DNAH9: variants seen among roughly 807,000 people sequenced by gnomAD.
DNAH9 encodes dynein axonemal heavy chain 9.
Under a neutral mutation model 471.6 loss-of-function variants are expected in DNAH9, and 345 were observed. The ratio of observed to expected loss-of-function variants is 0.73; its 90% CI spans 0.67 to 0.80. The LOEUF (loss-of-function observed/expected upper bound fraction) is 0.80, where lower values mean the gene tolerates loss of function less well. Ranked by LOEUF, DNAH9 falls within the 30% of genes least tolerant of loss-of-function variation. The pLI, the probability that DNAH9 is intolerant of heterozygous loss-of-function variation, is 0.00. For synonymous variants in DNAH9, 2,093 were observed against 2,123.6 expected, an observed-to-expected ratio of 0.99 and a Z score of 0.40; for missense variants, 5,407 against 5,609.2, an observed-to-expected ratio of 0.96 and a Z score of 1.15.
At chr17:11,633,379 GC>G (rs1268043707) in intron 8 of DNAH9, among the ~76,000 whole-genome samples, 1 of 152,146 alleles carries the variant, frequency 6.6e-6, no homozygotes, top group African/African-American at 2.4e-5. Flanking sequence ...TTCTGTCAAA[GC>G]TGTTTAAGAT....
chr17:11,929,331 G>C (rs73300417), intron 62 of DNAH9, among the ~76,000 whole-genome samples: 1 of 152,066 alleles, frequency 6.6e-6, no homozygotes, highest in Non-Finnish European at 1.5e-5. Flanking sequence ...ACCGTGCCTG[G>C]CCGTGTTACA....
At chr17:11,650,558 A>G (rs1474637397) in intron 12 of DNAH9, among the ~76,000 whole-genome samples, 2 of 152,238 alleles carry the variant, frequency 1.3e-5, no homozygotes, top group Non-Finnish European at 2.9e-5. Flanking sequence ...AAATGATTAC[A>G]TTGAATAACT....
At chr17:11,639,139 A>G (rs762229580) in intron 9 of DNAH9, among the ~76,000 whole-genome samples, 27 of 152,200 alleles carry the variant, frequency 1.8e-4, no homozygotes, top group Non-Finnish European at 3.4e-4. Flanking sequence ...CGCTGTCATC[A>G]TAGCCACAGT....
intron 43 of DNAH9, among the ~76,000 whole-genome samples, chr17:11,804,940 G>A (rs1209856816): frequency 1.3e-5 from 2 of 151,586 alleles, no homozygotes; most frequent in East Asian, 1.9e-4. Context: ...TCCGCTACTC[G>A]CTACTCGGGA....
At position 11,844,886 on chromosome 17, in the gene DNAH9, A is replaced by G. The variant is rs186363015; in HGVS notation, c.9508-9117A>G. ...GTATTTCATTGCGGTTTTGATTTGC[A>G]TTTCTCTAATGATTAGCTACGTTGA... On this transcript the variant is annotated intron_variant, in intron 49 of 68. Coordinates refer to ENST00000262442, the MANE Select transcript of DNAH9 (RefSeq NM_001372.4). Among the ~76,000 whole-genome samples the G allele has an allele frequency of 5.9e-5, 9 of 151,916 alleles. No homozygotes were observed. In the East Asian group the frequency reaches 1.7e-3, roughly 29 times the overall value.
chr17:11,867,409 C>T (rs572254682), intron 50 of DNAH9, among the ~76,000 whole-genome samples: 1 of 152,064 alleles, frequency 6.6e-6, no homozygotes, highest in Non-Finnish European at 1.5e-5. Context: ...TCCTTTTAAC[C>T]TTTCCCTTGA....
intron 6 of DNAH9, among the ~76,000 whole-genome samples, chr17:11,624,106 T>A (rs2072925912): frequency 6.6e-6 from 1 of 152,198 alleles, no homozygotes; most frequent in Non-Finnish European, 1.5e-5. Context: ...ATACAGGTAA[T>A]CTCTTAGAGA....
intron 62 of DNAH9, among the ~76,000 whole-genome samples, chr17:11,927,137 T>A (rs1974357427): frequency 6.6e-6 from 1 of 152,226 alleles, no homozygotes; most frequent in African/African-American, 2.4e-5. Context: ...TTTGTTTAAG[T>A]TCCTTGTAGA....
At chr17:11,635,356 T>TG (rs1336595733) in intron 8 of DNAH9, among the ~76,000 whole-genome samples, 1 of 128,460 alleles carries the variant, frequency 7.8e-6, no homozygotes, top group African/African-American at 3.1e-5. Context: ...TTTTTTTTTT[T>TG]TTTTTAGTAG....
intron 61 of DNAH9, among the ~76,000 whole-genome samples, chr17:11,920,413 G>A (rs547762504): frequency 3.4e-3 from 514 of 151,582 alleles, no homozygotes; most frequent in Non-Finnish European, 6.1e-3. Context: ...CTGAGGTCGG[G>A]AGTTTGAGAC....
In DNAH9 at chr17:11,617,053, G is replaced by A. The variant is rs1430300271; in HGVS notation, c.905-358G>A. ...GTGCCCAAAGTCATACAATTGCCAA[G>A]CGTCTCGGCCAGCATTTGAAGGAAA... is the stretch of plus-strand genomic sequence containing the variant. On this transcript the variant is annotated intron_variant, in intron 4 of 68. Coordinates refer to ENST00000262442, the MANE Select transcript of DNAH9 (RefSeq NM_001372.4). Among the ~76,000 whole-genome samples the A allele has an allele frequency of 2.0e-5, 3 of 152,194 alleles. No individual in the cohort carries two copies. The East Asian group carries it at 5.8e-4, about 29-fold the overall frequency.
intron 43 of DNAH9, 149 bp downstream of exon 43, chr17:11,797,942 G>A (rs1427135897): frequency 1.3e-6 from 1 of 775,444 alleles, no homozygotes; most frequent in Admixed American, 2.9e-5. Context: ...TGGCAGAGCA[G>A]CTGCAGCTCC....
intron 19 of DNAH9, among the ~76,000 whole-genome samples, chr17:11,683,948 G>A (rs910768230): frequency 3.3e-4 from 50 of 152,146 alleles, no homozygotes; most frequent in Admixed American, 2.5e-3. Context: ...TATGTGTTTT[G>A]TTTTCTTTCT....
At chr17:11,681,117 G>T (rs1207091980) in intron 19 of DNAH9, among the ~76,000 whole-genome samples, 2 of 152,166 alleles carry the variant, frequency 1.3e-5, no homozygotes, top group Admixed American at 6.6e-5. Flanking sequence ...TTAAAAAGAT[G>T]CATATATATC....
intron 10 of DNAH9, 25 bp from the exon 11 acceptor site, chr17:11,644,606 C>T (rs1428741422): frequency 1.9e-6 from 3 of 1,560,506 alleles, no homozygotes; most frequent in Non-Finnish European, 2.6e-6. Context: ...AATTCTGTGT[C>T]ACTTTTTCTC....
chr17:11,730,840 A>C (rs1357458691), intron 28 of DNAH9, among the ~76,000 whole-genome samples: 1 of 151,888 alleles, frequency 6.6e-6, no homozygotes, highest in Non-Finnish European at 1.5e-5. Flanking sequence ...GATGCTGATG[A>C]TGATGATGGC....
intron 67 of DNAH9, among the ~76,000 whole-genome samples, chr17:11,958,276 G>T (rs1275609267): frequency 6.6e-6 from 1 of 152,150 alleles, no homozygotes; most frequent in Non-Finnish European, 1.5e-5. Flanking sequence ...GCATGAGTAG[G>T]TCAAGCACAG....
At chr17:11,762,843 G>C (rs1387036477) in intron 35 of DNAH9, among the ~76,000 whole-genome samples, 1 of 134,952 alleles carries the variant, frequency 7.4e-6, no homozygotes, top group Non-Finnish European at 1.5e-5. Flanking sequence ...GCAGTGGCCC[G>C]ATCTCAGCTC....
intron 1 of DNAH9, among the ~76,000 whole-genome samples, chr17:11,602,753 G>C (rs1185691685): frequency 6.6e-6 from 1 of 152,046 alleles, no homozygotes; most frequent in Non-Finnish European, 1.5e-5. Flanking sequence ...TCCTCCTCCC[G>C]ATCATAAGCA....
Sources: allele counts gnomAD v4.1 joint callset (sites outside exome capture counted in the v4.1 genomes callset), GRCh38; gene constraint gnomAD v4.1.1; transcripts MANE v1.5; gene names NCBI Gene and HGNC (gene_info 2026-07-23, HGNC 2026-07-21).